The following PITPNC1 variants were observed in gnomAD, a reference collection of about 807,000 sequenced individuals.
PITPNC1 encodes the protein phosphatidylinositol transfer protein cytoplasmic 1.
In PITPNC1, 18 loss-of-function variants were observed where a neutral mutation model predicts 44.7. The observed-to-expected ratio is 0.40, with a 90% CI of 0.28 to 0.60. PITPNC1 has a LOEUF of 0.60. Among genes scored for constraint, PITPNC1 ranks in the 20% least tolerant of loss-of-function variants. The pLI is 0.39. For synonymous variants in PITPNC1, 141 were observed against 149.6 expected (o/e 0.94, Z 0.42); for missense variants, 290 against 418.4 (o/e 0.69, Z 2.68).
At chr17:67,550,908 A>C (rs978344032) in intron 2 of PITPNC1, among the ~76,000 whole-genome samples, 1 of 152,114 alleles carries the variant, frequency 6.6e-6, no homozygotes, top group African/African-American at 2.4e-5. Flanking sequence ...AAAAATACAA[A>C]AAATTAGCCG....
intron 5 of PITPNC1, chr17:67,612,220 C>CT (rs978744362): frequency 6.6e-6 from 1 of 152,422 alleles, no homozygotes; most frequent in African/African-American, 2.4e-5. Flanking sequence ...GGGCAAGAGT[C>CT]TTGAAGGCTG....
chr17:67,445,791 AGC>A (rs2039084712), intron 1 of PITPNC1, among the ~76,000 whole-genome samples: 2 of 152,056 alleles, frequency 1.3e-5, no homozygotes, highest in South Asian at 4.1e-4. Context: ...TGAGAGAATT[AGC>A]GGCAATCTCA....
At chr17:67,425,272 G>C (rs896660866) in intron 1 of PITPNC1, among the ~76,000 whole-genome samples, 5 of 138,482 alleles carry the variant, frequency 3.6e-5, no homozygotes, top group African/African-American at 7.7e-5. Flanking sequence ...CAGAGGGAGA[G>C]AGAGAGAGAA....
intron 5 of PITPNC1, among the ~76,000 whole-genome samples, chr17:67,624,911 T>C (rs1037765617): frequency 6.6e-6 from 1 of 152,234 alleles, no homozygotes; most frequent in African/African-American, 2.4e-5. Context: ...TTGATACTTA[T>C]TATTCTTAAT....
At chr17:67,629,231 G>T (rs1038151842) in intron 5 of PITPNC1, among the ~76,000 whole-genome samples, 40 of 11,038 alleles carry the variant, frequency 3.6e-3, no homozygotes, top group African/African-American at 9.8e-3. Context: ...TTTCCCTCTG[G>T]GGTATTCTGT....
intron 1 of PITPNC1, among the ~76,000 whole-genome samples, chr17:67,446,958 C>T (rs1417400777): frequency 2.6e-5 from 4 of 151,424 alleles, no homozygotes; most frequent in South Asian, 2.1e-4. Flanking sequence ...AGTATGGTGG[C>T]GGGCACCTGT....
At chr17:67,620,273 C>T (rs141786961) in intron 5 of PITPNC1, among the ~76,000 whole-genome samples, 275 of 152,166 alleles carry the variant, frequency 1.8e-3, no homozygotes, top group African/African-American at 6.4e-3. Context: ...CGGCTGGTCT[C>T]GAACTGCTGC....
At chr17:67,534,849 C>T (rs960875005) in intron 2 of PITPNC1, among the ~76,000 whole-genome samples, 2 of 152,152 alleles carry the variant, frequency 1.3e-5, no homozygotes, top group African/African-American at 4.8e-5. Context: ...AGTTTATTCA[C>T]TGACACCAGT....
intron 1 of PITPNC1, among the ~76,000 whole-genome samples, chr17:67,462,993 C>T (rs1254555663): frequency 2.6e-5 from 4 of 152,244 alleles, no homozygotes; most frequent in Non-Finnish European, 1.5e-5. Context: ...TGAGCCGCCG[C>T]CCCCGGCAAC....
chr17:67,445,029 A>G (rs1365697246), intron 1 of PITPNC1, among the ~76,000 whole-genome samples: 1 of 151,540 alleles, frequency 6.6e-6, no homozygotes, highest in Non-Finnish European at 1.5e-5. Context: ...GGAAAAGGAG[A>G]TGGGGAAGTG....
chr17:67,507,343 TG>T (rs1263206055), intron 1 of PITPNC1, among the ~76,000 whole-genome samples: 1 of 152,098 alleles, frequency 6.6e-6, no homozygotes, highest in Non-Finnish European at 1.5e-5. Flanking sequence ...CAGATGTTGC[TG>T]TGTACGTTGG....
At chr17:67,449,897 T>A (rs992471768) in intron 1 of PITPNC1, among the ~76,000 whole-genome samples, 4 of 152,210 alleles carry the variant, frequency 2.6e-5, no homozygotes, top group Non-Finnish European at 1.5e-5. Context: ...ACTATGTTGC[T>A]CAGGCTGGTC....
intron 5 of PITPNC1, among the ~76,000 whole-genome samples, chr17:67,624,031 A>T (rs1489325458): frequency 6.6e-6 from 1 of 152,110 alleles, no homozygotes; most frequent in East Asian, 1.9e-4. Flanking sequence ...ACCACACAGC[A>T]CGTAATAGTT....
At chr17:67,493,729 C>G (rs2055626515) in intron 1 of PITPNC1, among the ~76,000 whole-genome samples, 1 of 152,094 alleles carries the variant, frequency 6.6e-6, no homozygotes, top group Non-Finnish European at 1.5e-5. Context: ...GGACTGTTTT[C>G]CCTCCAGACG....
intron 1 of PITPNC1, among the ~76,000 whole-genome samples, chr17:67,403,495 G>A (rs183667456): frequency 2.6e-5 from 4 of 152,188 alleles, no homozygotes; most frequent in Non-Finnish European, 5.9e-5. Context: ...TTATATATGT[G>A]TCCGTGTGGA....
intron 6 of PITPNC1, among the ~76,000 whole-genome samples, chr17:67,665,825 G>A (rs915496405): frequency 1.7e-4 from 25 of 150,088 alleles, no homozygotes; most frequent in African/African-American, 5.9e-4. Context: ...AGGGTCCTTG[G>A]AGGGGATGAC....
chr17:67,420,827 G>C (rs560000627), intron 1 of PITPNC1, among the ~76,000 whole-genome samples: 1 of 152,292 alleles, frequency 6.6e-6, no homozygotes, highest in East Asian at 1.9e-4. Flanking sequence ...TTGGCACTCA[G>C]ACTTACTTTC....
rs1025108974 is a variant in PITPNC1 at position 67,533,085 on chromosome 17, A to G, written c.197+135A>G. ...CTACGTCCACCGTCTACGACCACCAATCTCATTGTTTTTGAAAACAGAATC... is the reference window on the plus strand; with the variant it reads ...CTACGTCCACCGTCTACGACCACCAGTCTCATTGTTTTTGAAAACAGAATC... On this transcript the variant is annotated intron_variant, in intron 2 of 8. Transcript: ENST00000581322. The G allele has an allele frequency of 1.8e-5, 12 of 667,306 alleles. 1 individual carries two copies. The highest frequency in any genetic ancestry group is 2.5e-5 in the Non-Finnish European group (10 of 398,696). The allele number at this position is 667,306 out of a possible 1,614,324, so 41.3% of individuals were successfully genotyped here.
chr17:67,679,203 T>G (rs570761753), intron 8 of PITPNC1, among the ~76,000 whole-genome samples: 1 of 152,374 alleles, frequency 6.6e-6, no homozygotes, highest in Non-Finnish European at 1.5e-5. Flanking sequence ...CATAGCTGTC[T>G]GCAGGGCCAA....
Sources: gnomAD v4.1 joint callset for allele counts (sites outside exome capture counted in the v4.1 genomes callset) on GRCh38, gnomAD v4.1.1 for gene constraint, MANE v1.5 for transcripts, NCBI Gene and HGNC (gene_info 2026-07-23, HGNC 2026-07-21) for gene names.